ZNF423: variants seen among roughly 807,000 people sequenced by gnomAD.
ZNF423 encodes zinc finger protein 423.
ZNF423 carries 12 observed loss-of-function variants against 95.8 expected under a neutral mutation model. That is an observed-to-expected ratio of 0.13 (90% confidence interval 0.08 to 0.20). The LOEUF (loss-of-function observed/expected upper bound fraction) is 0.20, where lower values mean the gene tolerates loss of function less well. ZNF423 is among the 10% of genes least tolerant of loss of function. ZNF423 has a pLI of 1.00. For synonymous variants in ZNF423, 749 were observed against 711.9 expected, an observed-to-expected ratio of 1.05 and a Z score of -0.83; for missense variants, 1,316 against 1,737.1, an observed-to-expected ratio of 0.76 and a Z score of 4.31.
intron 3 of ZNF423, among the ~76,000 whole-genome samples, chr16:49,655,557 T>C (rs1408449659): frequency 1.3e-5 from 2 of 152,040 alleles, no homozygotes; most frequent in Non-Finnish European, 2.9e-5. Flanking sequence ...AACACTCAAG[T>C]CACTGTGGAC....
At chr16:49,783,044 A>G (rs2034239488) in intron 2 of ZNF423, among the ~76,000 whole-genome samples, 1 of 151,818 alleles carries the variant, frequency 6.6e-6, no homozygotes, top group African/African-American at 2.4e-5. Context: ...AAATTTCCAC[A>G]TGGTCGTGTT....
intron 3 of ZNF423, among the ~76,000 whole-genome samples, chr16:49,641,160 G>A (rs775099583): frequency 1.3e-5 from 2 of 152,206 alleles, no homozygotes; most frequent in Non-Finnish European, 2.9e-5. Context: ...ACTCCCACTG[G>A]ACAGACGAGG....
chr16:49,646,954 A>G (rs541206691), intron 3 of ZNF423, among the ~76,000 whole-genome samples: 29 of 152,296 alleles, frequency 1.9e-4, no homozygotes, highest in African/African-American at 6.3e-4. Context: ...GGTAGGTACT[A>G]TTAACAACCC....
In ZNF423 at chr16:49,674,561, C is replaced by T. The variant is rs149062954; in HGVS notation, c.302-35687G>A. Among the ~76,000 whole-genome samples, 811 of 152,240 alleles carry T rather than the reference C, an allele frequency of 5.3e-3. 6 individuals are homozygous for T. The highest frequency in any genetic ancestry group is 0.019 in the African/African-American group (788 of 41,534). On this transcript the variant is annotated intron_variant, in intron 3 of 7. Transcript: ENST00000563137. ...AGGCAGTGTGGCCCAGAGTCCACCC[C>T]CTGCACCACCAGGCGGAACAGAGAT...
At chr16:49,585,114 T>C (rs1329204378) in intron 5 of ZNF423, among the ~76,000 whole-genome samples, 2 of 152,208 alleles carry the variant, frequency 1.3e-5, no homozygotes, top group African/African-American at 4.8e-5. Context: ...TCTTTCTAAA[T>C]TACCTTTAGG....
At chr16:49,591,815 G>A (rs75472416) in intron 5 of ZNF423, among the ~76,000 whole-genome samples, 7,110 of 152,306 alleles carry the variant, frequency 0.047, 173 homozygotes, top group Non-Finnish European at 0.053. Flanking sequence ...CAAAAGAGTA[G>A]GCAGTGATTC....
rs1272244156 is a variant in ZNF423, at chr16:49,636,437, C to T, written c.2739G>A (p.Arg913=). 1.2e-6 allele frequency: 2 copies of T among 1,613,330 alleles called. No individual in the cohort carries two copies. Among genetic ancestry groups the T allele is most frequent in the Non-Finnish European group, 1.7e-6 (2 of 1,180,036 alleles). ...CCGGCCGGATATTGTGGTCCCGCAGCCGGTGATTCTGCAGCAGCACCTCCA... is the reference window on the plus strand; with the variant it reads ...CCGGCCGGATATTGTGGTCCCGCAGTCGGTGATTCTGCAGCAGCACCTCCA... ...YTMEVLLQNH[R]LRDHNIRPGE... The change falls in exon 4 of 8, where the codon CGG becomes CGA. Residue 913 remains arginine, a synonymous_variant. Transcript: ENST00000563137. The surrounding 1 kb of genome is among the most constrained non-coding windows in gnomAD (Gnocchi z 8.6).
At chr16:49,580,223 G>A (rs956290704) in intron 5 of ZNF423, among the ~76,000 whole-genome samples, 6 of 152,222 alleles carry the variant, frequency 3.9e-5, no homozygotes, top group Middle Eastern at 3.4e-3. Context: ...CCTCTCTCAC[G>A]TCATGGGAGC....
chr16:49,737,080 C>A (rs1460251203), intron 2 of ZNF423, among the ~76,000 whole-genome samples: 1 of 151,970 alleles, frequency 6.6e-6, no homozygotes, highest in African/African-American at 2.4e-5. Flanking sequence ...TCACACTGCC[C>A]CATTTCGATG....
chr16:49,824,428 TG>T (rs1302885243), intron 1 of ZNF423, among the ~76,000 whole-genome samples: 2 of 152,106 alleles, frequency 1.3e-5, no homozygotes, highest in Non-Finnish European at 2.9e-5. Context: ...ACTTCCACCC[TG>T]CTTGCAACTT....
chr16:49,551,109 C>T (rs543362624), intron 5 of ZNF423, among the ~76,000 whole-genome samples: 4 of 152,328 alleles, frequency 2.6e-5, no homozygotes, highest in Admixed American at 2.6e-4. Context: ...CCAGGTGGGC[C>T]CCCCACGGAA....
intron 5 of ZNF423, among the ~76,000 whole-genome samples, chr16:49,591,552 A>G (rs1239867105): frequency 6.6e-6 from 1 of 152,192 alleles, no homozygotes; most frequent in Non-Finnish European, 1.5e-5. Context: ...TTATAACTCC[A>G]CTGGAAGCCA....
At chr16:49,518,442 A>C in intron 7 of ZNF423, 1 of 432,300 alleles carries the variant, frequency 2.3e-6, no homozygotes, top group Non-Finnish European at 4.5e-6. Context: ...ACACTAGCAG[A>C]CTTAGAAAAT....
intron 5 of ZNF423, among the ~76,000 whole-genome samples, chr16:49,557,132 T>C (rs1031570005): frequency 6.6e-6 from 1 of 152,238 alleles, no homozygotes; most frequent in Admixed American, 6.5e-5. Context: ...GATTTCGATG[T>C]TGGCGGCCTA....
chr16:49,785,333 G>A (rs976419516), intron 2 of ZNF423, among the ~76,000 whole-genome samples: 38 of 152,128 alleles, frequency 2.5e-4, no homozygotes, highest in African/African-American at 8.9e-4. Flanking sequence ...CTCCTGCCTT[G>A]ACCTCACAAA....
At chr16:49,576,086 C>T (rs1316020867) in intron 5 of ZNF423, among the ~76,000 whole-genome samples, 1 of 152,212 alleles carries the variant, frequency 6.6e-6, no homozygotes, top group Non-Finnish European at 1.5e-5. Context: ...CTGTTCATCC[C>T]GTTTCTCAAA....
chr16:49,760,951 T>A (rs1020028612), intron 2 of ZNF423, among the ~76,000 whole-genome samples: 1 of 147,558 alleles, frequency 6.8e-6, no homozygotes, highest in South Asian at 2.2e-4. Context: ...CACACACGCA[T>A]ACATGCATGC....
chr16:49,626,551 C>T (rs1238601183), intron 4 of ZNF423, among the ~76,000 whole-genome samples: 1 of 152,032 alleles, frequency 6.6e-6, no homozygotes, highest in African/African-American at 2.4e-5. Flanking sequence ...AGGGCAAATC[C>T]ATCTACCCAT....
chr16:49,586,591 C>G (rs1415122044), intron 5 of ZNF423, among the ~76,000 whole-genome samples: 5 of 152,250 alleles, frequency 3.3e-5, no homozygotes. Context: ...CGCCAGTGTG[C>G]CAGCTCCGAG....
Sources: gnomAD v4.1 joint callset for allele counts (sites outside exome capture counted in the v4.1 genomes callset) on GRCh38, gnomAD v4.1.1 for gene constraint, Gnocchi (gnomAD v3.1) non-coding constraint, MANE v1.5 for transcripts, NCBI Gene and HGNC (gene_info 2026-07-23, HGNC 2026-07-21) for gene names.